The following NCALD variants were observed in gnomAD, a reference collection of about 807,000 sequenced individuals.
NCALD encodes the protein neurocalcin-delta.
In NCALD, 10 loss-of-function variants were observed where a neutral mutation model predicts 18.6. That is an observed-to-expected ratio of 0.54 (90% CI 0.33 to 0.91). The LOEUF is 0.91. Among genes scored for constraint, NCALD ranks in the 40% least tolerant of loss-of-function variants. The pLI is 0.03. For synonymous variants in NCALD, 88 were observed against 87.4 expected (o/e 1.01, Z -0.04); for missense variants, 184 against 247.6 (o/e 0.74, Z 1.72).
At chr8:102,021,718 C>A (rs890956119) in intron 1 of NCALD, among the ~76,000 whole-genome samples, 1 of 152,160 alleles carries the variant, frequency 6.6e-6, no homozygotes, top group African/African-American at 2.4e-5. Flanking sequence ...ACTCTTCTCC[C>A]TAACTACTTT....
chr8:101,944,193 C>T (rs1563920440), intron 2 of NCALD, among the ~76,000 whole-genome samples: 1 of 152,162 alleles, frequency 6.6e-6, no homozygotes, highest in African/African-American at 2.4e-5. Context: ...CGTCTCCTAT[C>T]ACCCTTTTTG....
chr8:101,806,916 A>G lies in NCALD; in HGVS notation c.-20+80225T>C, dbSNP rs149517746. The stretch of plus-strand genomic sequence containing the variant: ...AAAAAAATTGAAAGCAGCAAGAGAA[A>G]AATGGCTCATTACATGTAAGGAAAC... On this transcript the variant is annotated intron_variant, in intron 4 of 6. Transcript: ENST00000311028. 7.3e-3 allele frequency among the ~76,000 whole-genome samples: 1,108 copies of G among 152,220 alleles called. 10 individuals are homozygous for G. Among genetic ancestry groups the G allele is most frequent in the Middle Eastern group, 0.031 (9 of 294 alleles).
At chr8:101,991,877 G>A (rs1821061858) in intron 2 of NCALD, among the ~76,000 whole-genome samples, 1 of 152,168 alleles carries the variant, frequency 6.6e-6, no homozygotes, top group Non-Finnish European at 1.5e-5. Context: ...TTTTGAAGAG[G>A]ATGGTCCTCT....
At chr8:101,724,683 C>A (rs1353606476) in intron 1 of NCALD, among the ~76,000 whole-genome samples, 2 of 152,316 alleles carry the variant, frequency 1.3e-5, no homozygotes, top group Admixed American at 1.3e-4. Context: ...TAAACTTTCA[C>A]AACCTGTGTG....
At chr8:102,065,794 C>T (rs780637090) in intron 1 of NCALD, among the ~76,000 whole-genome samples, 3 of 152,014 alleles carry the variant, frequency 2.0e-5, no homozygotes, top group Non-Finnish European at 2.9e-5. Flanking sequence ...GGCAACATAG[C>T]GAGACCCTGT....
intron 1 of NCALD, among the ~76,000 whole-genome samples, chr8:101,768,097 G>C (rs974916786): frequency 2.6e-5 from 4 of 152,202 alleles, no homozygotes; most frequent in African/African-American, 9.6e-5. Flanking sequence ...GTAAGGGGGA[G>C]ACTCAGCATT....
At chr8:101,709,113 C>G (rs184682307) in intron 2 of NCALD, among the ~76,000 whole-genome samples, 1 of 152,218 alleles carries the variant, frequency 6.6e-6, no homozygotes, top group Non-Finnish European at 1.5e-5. Flanking sequence ...AGCGGGCCTG[C>G]GCATAGGGGC....
intron 1 of NCALD, among the ~76,000 whole-genome samples, chr8:102,120,234 A>G (rs756312901): frequency 6.6e-6 from 1 of 152,158 alleles, no homozygotes; most frequent in African/African-American, 2.4e-5. Flanking sequence ...CCAGGGGCTC[A>G]TCTCTTGGTG....
intron 2 of NCALD, among the ~76,000 whole-genome samples, chr8:102,004,964 T>A (rs1431793483): frequency 6.6e-6 from 1 of 152,222 alleles, no homozygotes; most frequent in African/African-American, 2.4e-5. Flanking sequence ...CAGGACATAG[T>A]CGTGGGCAAG....
At chr8:101,902,600 G>T (rs1301648476) in intron 3 of NCALD, among the ~76,000 whole-genome samples, 1 of 152,220 alleles carries the variant, frequency 6.6e-6, no homozygotes, top group Non-Finnish European at 1.5e-5. Flanking sequence ...AACAAGCAGT[G>T]TTGCAGCATT....
At chr8:101,853,920 C>T (rs937396303) in intron 4 of NCALD, among the ~76,000 whole-genome samples, 3 of 152,162 alleles carry the variant, frequency 2.0e-5, no homozygotes, top group Non-Finnish European at 4.4e-5. Context: ...AGCTCTTACA[C>T]ATCAAAAGTC....
intron 1 of NCALD, among the ~76,000 whole-genome samples, chr8:101,780,251 T>C (rs959362529): frequency 1.3e-5 from 2 of 152,174 alleles, no homozygotes; most frequent in Non-Finnish European, 2.9e-5. Flanking sequence ...AGTGATTATA[T>C]AAAAATTGCA....
intron 1 of NCALD, among the ~76,000 whole-genome samples, chr8:102,107,195 C>CATATATATATATAT (rs67447416): frequency 4.5e-5 from 4 of 89,302 alleles, no homozygotes; most frequent in South Asian, 4.2e-4. Flanking sequence ...TATGTGTGTA[C>CATATATATATATAT]ATATATATAT....
chr8:101,955,301 C>T (rs1819582285), intron 2 of NCALD, among the ~76,000 whole-genome samples: 1 of 152,124 alleles, frequency 6.6e-6, no homozygotes, highest in Admixed American at 6.5e-5. Context: ...TCCAGAGAGT[C>T]CACTAACTAT....
At chr8:101,870,316 GAA>G (rs1815952391) in intron 4 of NCALD, among the ~76,000 whole-genome samples, 1 of 152,150 alleles carries the variant, frequency 6.6e-6, no homozygotes, top group Admixed American at 6.5e-5. Context: ...TACCTAATAA[GAA>G]AACCTTTTCC....
intron 2 of NCALD, among the ~76,000 whole-genome samples, chr8:101,922,596 T>C (rs926868867): frequency 1.3e-5 from 2 of 152,196 alleles, no homozygotes; most frequent in Admixed American, 6.5e-5. Context: ...ACAAAACCAT[T>C]CTACAGATTG....
intron 2 of NCALD, among the ~76,000 whole-genome samples, chr8:101,952,641 C>T (rs192214300): frequency 5.3e-5 from 8 of 152,324 alleles, no homozygotes; most frequent in Non-Finnish European, 1.5e-5. Context: ...TCCCAAAGCC[C>T]ACAGGGCCTG....
intron 1 of NCALD, among the ~76,000 whole-genome samples, chr8:101,762,148 A>G (rs1338178866): frequency 1.3e-5 from 2 of 152,136 alleles, no homozygotes; most frequent in African/African-American, 4.8e-5. Flanking sequence ...CCCGACTAAT[A>G]TATATGCATT....
At chr8:101,843,735 C>T (rs1357547661) in intron 4 of NCALD, among the ~76,000 whole-genome samples, 3 of 152,010 alleles carry the variant, frequency 2.0e-5, no homozygotes, top group Admixed American at 6.6e-5. Context: ...GCGTGTGCCA[C>T]CATACCCAGC....
Sources: gnomAD v4.1 joint callset for allele counts (sites outside exome capture counted in the v4.1 genomes callset) on GRCh38, gnomAD v4.1.1 for gene constraint, MANE v1.5 for transcripts, NCBI Gene and HGNC (gene_info 2026-07-23, HGNC 2026-07-21) for gene names.